The following ESCO2 variants were observed in gnomAD, a reference collection of about 807,000 sequenced individuals.
ESCO2 encodes establishment of sister chromatid cohesion N-acetyltransferase 2.
ESCO2 carries 51 observed loss-of-function variants against 61.7 expected under a neutral mutation model. The observed-to-expected ratio is 0.83, with a 90% CI of 0.66 to 1.04. The LOEUF (loss-of-function observed/expected upper bound fraction) is 1.04, where lower values mean the gene tolerates loss of function less well. ESCO2 is among the 50% of genes least tolerant of loss of function. The pLI, the probability that ESCO2 is intolerant of heterozygous loss-of-function variation, is 0.00. For synonymous variants in ESCO2, 230 were observed against 238.2 expected (o/e 0.97, Z 0.32); for missense variants, 692 against 686.2 (o/e 1.01, Z -0.09).
intron 10 of ESCO2, among the ~76,000 whole-genome samples, chr8:27,801,349 T>C (rs1401661884): frequency 6.6e-6 from 1 of 152,162 alleles, no homozygotes; most frequent in Admixed American, 6.5e-5. Flanking sequence ...TTTGGAATAG[T>C]GTTATTCAAG....
chr8:27,783,972 C>G, intron 4 of ESCO2, 28 bp from the exon 5 acceptor site: 1 of 1,573,786 alleles, frequency 6.4e-7, no homozygotes, highest in Non-Finnish European at 8.7e-7. Context: ...TTTGGTAATA[C>G]ACATTATCAT....
chr8:27,811,191 A>G, downstream of ESCO2: 1 of 1,513,428 alleles, frequency 6.6e-7, no homozygotes, highest in Non-Finnish European at 9.2e-7. Context: ...AAAGGCAAGC[A>G]ACCCAAAGGG....
chr8:27,774,920 T>G (rs1352311120), intron 1 of ESCO2: 2 of 154,522 alleles, frequency 1.3e-5, no homozygotes, highest in African/African-American at 4.8e-5. Context: ...GGGTCCCCCC[T>G]TAAGCCGCAG....
At chr8:27,784,166 C>A in intron 5 of ESCO2, 109 bp downstream of exon 5, 1 of 962,350 alleles carries the variant, frequency 1.0e-6, no homozygotes, top group Non-Finnish European at 1.6e-6. Context: ...TTTTCTTCCT[C>A]ACTAAGGGGA....
downstream of ESCO2, chr8:27,812,637 AAAAAC>A (rs1805713562): frequency 6.6e-6 from 1 of 151,632 alleles, no homozygotes; most frequent in East Asian, 2.0e-4. Flanking sequence ...AAAAAAAAAA[AAAAAC>A]ATCAAAAAGT....
At chr8:27,811,405 C>T (rs1278189240), downstream of ESCO2, 1 of 544,976 alleles carries the variant, frequency 1.8e-6, no homozygotes, top group African/African-American at 1.9e-5. Context: ...GTTGAGATTA[C>T]AGACTCTGGA....
chr8:27,780,282 G>A lies in ESCO2; in HGVS notation c.955+15G>A, dbSNP rs369338792. On this transcript the variant is annotated intron_variant, in intron 4 of 10. Coordinates refer to ENST00000305188, the MANE Select transcript of ESCO2 (RefSeq NM_001017420.3). ...GAATAAGACAAGTAAGAGAAAACTC[G>A]CATGAATTTAGCTGCTTAAAATAAT... 12 of 1,492,842 alleles carry A rather than the reference G, an allele frequency of 8.0e-6. No homozygotes were observed. Among genetic ancestry groups the A allele is most frequent in the African/African-American group, 2.8e-5 (2 of 72,412 alleles). The allele number at this position is 1,492,842 out of a possible 1,614,324, so 92.5% of individuals were successfully genotyped here. A position where few individuals can be genotyped will look rare whatever the true frequency, so the allele number is the denominator to read the frequency against.
At chr8:27,787,098 A>G (rs1805063652) in intron 5 of ESCO2, among the ~76,000 whole-genome samples, 1 of 151,990 alleles carries the variant, frequency 6.6e-6, no homozygotes, top group Admixed American at 6.6e-5. Context: ...GTGATCTTAC[A>G]ATGTCTCTTA....
chr8:27,773,841 G>C (rs571774231), upstream of ESCO2: 2 of 152,206 alleles, frequency 1.3e-5, no homozygotes, highest in Non-Finnish European at 2.9e-5. Flanking sequence ...AGTAACAATA[G>C]CTAACAATAA....
chr8:27,773,296 A>G (rs941567351), upstream of ESCO2, among the ~76,000 whole-genome samples: 1 of 152,120 alleles, frequency 6.6e-6, no homozygotes, highest in African/African-American at 2.4e-5. Flanking sequence ...CATGACCCAC[A>G]CCCTATAGTT....
Position 27,776,752 on chromosome 8 carries a change from TCAAC to T in ESCO2, c.448_451del (p.Pro150SerfsTer20), listed in dbSNP as rs1440623563. ...CACAGAAGAGTTTAACTGCTAAGTA[TCAAC>T]CAAAGTATAGACACATCAAGCCTGT... On this transcript the variant is annotated frameshift_variant, in exon 3 of 11. Coordinates refer to ENST00000305188, the MANE Select transcript of ESCO2 (RefSeq NM_001017420.3). LOFTEE classifies it high-confidence loss of function. The T allele has an allele frequency of 6.2e-7, 1 of 1,613,970 alleles. No individual in the cohort carries two copies. Among genetic ancestry groups the T allele is most frequent in the South Asian group, 1.1e-5 (1 of 91,084 alleles).
At position 27,776,468 on chromosome 8, in the gene ESCO2, C is replaced by T. The variant is rs769799908; in HGVS notation, c.160C>T (p.His54Tyr). The change falls in exon 3 of 11, where the codon CAT becomes TAT. Residue 54 changes from histidine to tyrosine, a missense_variant. Transcript: ENST00000305188. ...AAACCTGCATTGCTCTCAACAAGAG[C>T]ATTTTGTTTTAAGTGCGCTCAAAAC... ...EENLHCSQQE[H>Y]FVLSALKTTE... The T allele has an allele frequency of 8.1e-6, 13 of 1,611,602 alleles. No homozygotes were observed. Among genetic ancestry groups the T allele is most frequent in the Non-Finnish European group, 7.6e-6 (9 of 1,179,388 alleles).
At position 27,780,188 on chromosome 8, in the gene ESCO2, CAG is replaced by C. The variant is rs80359857; in HGVS notation, c.879_880del (p.Arg293SerfsTer7). On this transcript the variant is annotated frameshift_variant, in exon 4 of 11. Coordinates refer to ENST00000305188, the MANE Select transcript of ESCO2 (RefSeq NM_001017420.3). LOFTEE classifies it high-confidence loss of function. ...CCTATTTTCAGGATTCATCAGATGA[CAG>C]AGTTTCTTCAAAGGAACATAAAGTT... is the stretch of plus-strand genomic sequence containing the variant. The part of the protein sequence containing the change: ...EKLIKDSSDD[R>X]VSSKEHKVDK... 90 of 1,606,126 alleles carry C rather than the reference CAG, an allele frequency of 5.6e-5. No homozygotes were observed. The highest frequency in any genetic ancestry group is 6.6e-5 in the Non-Finnish European group (77 of 1,174,246).
chr8:27,807,860 C>T (rs1805593495), downstream of ESCO2, among the ~76,000 whole-genome samples: 1 of 152,040 alleles, frequency 6.6e-6, no homozygotes, highest in African/African-American at 2.4e-5. Flanking sequence ...TGGAAGGAAC[C>T]CTTAGGGATT....
chr8:27,788,267 T>C (rs1487460613), intron 6 of ESCO2, among the ~76,000 whole-genome samples: 1 of 152,136 alleles, frequency 6.6e-6, no homozygotes, highest in South Asian at 2.1e-4. Flanking sequence ...TAAGGAAAAA[T>C]ATTGTATAAT....
rs1268303294 is a variant in ESCO2 at position 27,803,558 on chromosome 8, ACACACACACG to A, written c.*130_*139del. On this transcript the variant is annotated 3_prime_UTR_variant, in exon 11 of 11. Transcript: ENST00000305188. ...CCGAGACTCACACTCATACACACACACACACACACGCACACACACATATCACAGTTTTGTT... is the reference window on the plus strand; with the variant it reads ...CCGAGACTCACACTCATACACACACACACACACACATATCACAGTTTTGTT... 59 of 1,476,276 alleles carry A rather than the reference ACACACACACG, an allele frequency of 4.0e-5. No homozygotes were observed. Among genetic ancestry groups the A allele is most frequent in the South Asian group, 5.5e-5 (4 of 72,914 alleles). The allele number at this position is 1,476,276 out of a possible 1,614,324, so 91.4% of individuals were successfully genotyped here.
chr8:27,783,430 A>G (rs1804966981), intron 4 of ESCO2, among the ~76,000 whole-genome samples: 1 of 152,078 alleles, frequency 6.6e-6, no homozygotes, highest in Admixed American at 6.5e-5. Context: ...TTACCTTTTC[A>G]TTCTCTTTAT....
chr8:27,805,303 AAAAAAAAAAAAAAAGAAGAGG>A (rs1158635331), exon 11 of ESCO2: 1 of 107,054 alleles, frequency 9.3e-6, no homozygotes. Context: ...AAAAAAAAAA[AAAAAAAAAAAAAAAGAAGAGG>A]CTTCCCTTAA....
At chr8:27,794,664 C>T (rs1224757473) in intron 9 of ESCO2, among the ~76,000 whole-genome samples, 1 of 152,122 alleles carries the variant, frequency 6.6e-6, no homozygotes, top group African/African-American at 2.4e-5. Flanking sequence ...AGACCGATGT[C>T]AAGCTTTTTT....
Sources: allele counts gnomAD v4.1 joint callset (sites outside exome capture counted in the v4.1 genomes callset), GRCh38; gene constraint gnomAD v4.1.1; transcripts MANE v1.5; gene names NCBI Gene and HGNC (gene_info 2026-07-23, HGNC 2026-07-21).